Variants in PECAM1 observed in about 807,000 individuals in gnomAD.
The protein encoded by PECAM1 is platelet endothelial cell adhesion molecule.
A neutral mutation model predicts 13.8 loss-of-function variants in PECAM1; 8 were observed. The observed-to-expected ratio is 0.58, with a 90% CI of 0.34 to 1.05. The LOEUF (loss-of-function observed/expected upper bound fraction) is 1.05. Ranked by LOEUF, PECAM1 falls within the 50% of genes least tolerant of loss-of-function variation. PECAM1 has a pLI of 0.03. For synonymous variants in PECAM1, 136 were observed against 52.6 expected, an observed-to-expected ratio of 2.58 and a Z score of -6.86; for missense variants, 304 against 141.2, an observed-to-expected ratio of 2.15 and a Z score of -5.84.
rs958409293 is a variant in PECAM1 at position 64,363,067 on chromosome 17, C to G, written c.1216+82G>C. The G allele has an allele frequency of 1.7e-5, 8 of 472,010 alleles. No individual in the cohort carries two copies. The East Asian group carries it at 1.9e-4, about 11-fold the overall frequency. The allele number at this position is 472,010 out of a possible 1,614,324, so 29.2% of individuals were successfully genotyped here. A position where few individuals can be genotyped will look rare whatever the true frequency, so the allele number is the denominator to read the frequency against. On this transcript the variant is annotated intron_variant, in intron 6 of 15. Coordinates refer to ENST00000563924, the MANE Select transcript of PECAM1 (RefSeq NM_000442.5). ...TTACCCTGCCTGAGTCTGCTCAGAC[C>G]GGAGAGGGCGGCAGCTGCAGATAAA...
At chr17:64,383,823 A>T (rs2036534882) in intron 2 of PECAM1, among the ~76,000 whole-genome samples, 2 of 152,154 alleles carry the variant, frequency 1.3e-5, no homozygotes, top group African/African-American at 4.8e-5. Flanking sequence ...ACTCTAACAC[A>T]CATTATCTGC....
chr17:64,352,467 A>G lies in PECAM1; in HGVS notation c.1917-4T>C. 1 of 474,530 alleles carries G rather than the reference A, an allele frequency of 2.1e-6. No homozygotes were observed. The highest frequency in any genetic ancestry group is 6.8e-5 in the South Asian group (1 of 14,702). 29.4% of individuals were successfully genotyped at this position (474,530 alleles called of 1,614,324 possible). A position where few individuals can be genotyped will look rare whatever the true frequency, so the allele number is the denominator to read the frequency against. Reference sequence around the variant, plus strand: ...GTTCAGAAGTGGTACTGCTGGCCTTAAAATGAAATATAAAAACAGAAAACA... The same window carrying G: ...GTTCAGAAGTGGTACTGCTGGCCTTGAAATGAAATATAAAAACAGAAAACA... On this transcript the variant is annotated splice_region_variant and splice_polypyrimidine_tract_variant and intron_variant, in intron 10 of 15. Transcript: ENST00000563924.
Position 64,323,540 on chromosome 17 carries a change from G to T in PECAM1, c.*276C>A. ...CAGAATATCCCAATGGCCTTGCCCT[G>T]GATCTCCTCTTGTGCTCTTCCAATT... On this transcript the variant is annotated 3_prime_UTR_variant, in exon 16 of 16. Transcript: ENST00000563924. 7.2e-7 allele frequency: 1 copy of T among 1,397,340 alleles called. No homozygotes were observed. Among genetic ancestry groups the T allele is most frequent in the South Asian group, 1.5e-5 (1 of 65,120 alleles). 86.6% of individuals were successfully genotyped at this position (1,397,340 alleles called of 1,614,324 possible).
At chr17:64,353,628 ACTTTT>A (rs1191685927) in intron 9 of PECAM1, 110 bp from the exon 10 acceptor site, 8 of 412,318 alleles carry the variant, frequency 1.9e-5, no homozygotes, top group African/African-American at 4.1e-5. Context: ...GATAGAAAAC[ACTTTT>A]CTTTTCTTTT....
At chr17:64,350,104 C>T (rs891255762) in intron 12 of PECAM1, among the ~76,000 whole-genome samples, 1 of 152,116 alleles carries the variant, frequency 6.6e-6, no homozygotes, top group Admixed American at 6.6e-5. Context: ...GGTCCCACTG[C>T]CTTACCCAGT....
rs1313565498 is a variant in PECAM1 at position 64,329,784 on chromosome 17, C to T, written c.2165-62G>A. ...AAATAACCCAGTTCAACTGCCCCAACAACATCACAGGGTCAGGAGCAGGTC... is the reference window on the plus strand; with the variant it reads ...AAATAACCCAGTTCAACTGCCCCAATAACATCACAGGGTCAGGAGCAGGTC... On this transcript the variant is annotated intron_variant, in intron 14 of 15. Transcript: ENST00000563924. 5 of 740,884 alleles carry T rather than the reference C, an allele frequency of 6.7e-6. No individual in the cohort carries two copies. In the East Asian group the frequency reaches 1.3e-4, roughly 19 times the overall value. The allele number at this position is 740,884 out of a possible 1,614,324, so 45.9% of individuals were successfully genotyped here. A position where few individuals can be genotyped will look rare whatever the true frequency, so the allele number is the denominator to read the frequency against.
At chr17:64,373,184 T>C (rs1312217617) in intron 4 of PECAM1, among the ~76,000 whole-genome samples, 2 of 151,864 alleles carry the variant, frequency 1.3e-5, no homozygotes, top group African/African-American at 4.8e-5. Flanking sequence ...GATTCAACAA[T>C]TTGACTACTA....
intron 13 of PECAM1, among the ~76,000 whole-genome samples, chr17:64,345,460 C>T (rs118201660): frequency 0.011 from 1,658 of 152,220 alleles, 48 homozygotes; most frequent in African/African-American, 0.038. Context: ...CACCTGTAAT[C>T]CCGGCACTTT....
chr17:64,326,074 C>T (rs1292616350), intron 15 of PECAM1, among the ~76,000 whole-genome samples: 1 of 152,142 alleles, frequency 6.6e-6, no homozygotes, highest in Non-Finnish European at 1.5e-5. Flanking sequence ...ACTCTGGAGT[C>T]AGCCTAAAGA....
intron 2 of PECAM1, chr17:64,390,114 G>A (rs940889006): frequency 1.3e-5 from 3 of 224,916 alleles, no homozygotes; most frequent in Non-Finnish European, 2.6e-5. Flanking sequence ...TTTTAAAAAA[G>A]TAATGGCAAA....
rs1031158393 is a variant in PECAM1 at position 64,369,422 on chromosome 17, T to C, written c.967+328A>G. 1.4e-4 allele frequency among the ~76,000 whole-genome samples: 21 copies of C among 152,292 alleles called. 1 individual carries two copies. The highest frequency in any genetic ancestry group is 4.8e-4 in the African/African-American group (20 of 41,560). The stretch of plus-strand genomic sequence containing the variant: ...TCAGCTCATGCTTACAGTATAGTTA[T>C]CTCATTAATCATTATAGCAGTCCTA... On this transcript the variant is annotated intron_variant, in intron 5 of 15. Coordinates refer to ENST00000563924, the MANE Select transcript of PECAM1 (RefSeq NM_000442.5).
intron 10 of PECAM1, among the ~76,000 whole-genome samples, chr17:64,353,077 G>C (rs1392252635): frequency 6.6e-6 from 1 of 152,056 alleles, no homozygotes; most frequent in Non-Finnish European, 1.5e-5. Flanking sequence ...CTCTGGAACA[G>C]AGCAATCATT....
chr17:64,352,368 T>C, intron 11 of PECAM1, 22 bp downstream of exon 11: 1 of 474,792 alleles, frequency 2.1e-6, no homozygotes, highest in African/African-American at 2.0e-5. Context: ...AAATTAGAAA[T>C]GGCAGGAGAA....
At position 64,323,668 on chromosome 17, in the gene PECAM1, A is replaced by G; in HGVS notation, c.*148T>C. 4 of 1,507,204 alleles carry G rather than the reference A, an allele frequency of 2.7e-6. No homozygotes were observed. The highest frequency in any genetic ancestry group is 3.5e-6 in the Non-Finnish European group (4 of 1,126,914). The allele number at this position is 1,507,204 out of a possible 1,614,324, so 93.4% of individuals were successfully genotyped here. A position where few individuals can be genotyped will look rare whatever the true frequency, so the allele number is the denominator to read the frequency against. On this transcript the variant is annotated 3_prime_UTR_variant, in exon 16 of 16. Transcript: ENST00000563924. ...ATTAACTTAGCAGGATGGATTTAAG[A>G]ACCGGCAGCTTAGCCTGAGGAATTG... is the stretch of plus-strand genomic sequence containing the variant.
In PECAM1 at chr17:64,347,158, C is replaced by T. The variant is rs957440915; in HGVS notation, c.2107+1102G>A. On this transcript the variant is annotated intron_variant, in intron 13 of 15. Transcript: ENST00000563924. ...CAAAAGTGGGCAGATTGCTTGAGCC[C>T]GGGAATTTGAGACCAGCCAGGGCAA... Among the ~76,000 whole-genome samples, 172 of 152,148 alleles carry T rather than the reference C, an allele frequency of 1.1e-3. 1 individual carries two copies. Among genetic ancestry groups the T allele is most frequent in the Admixed American group, 0.011 (162 of 15,282 alleles).
intron 13 of PECAM1, among the ~76,000 whole-genome samples, chr17:64,347,610 A>T (rs1468298175): frequency 6.9e-6 from 1 of 145,382 alleles, no homozygotes; most frequent in African/African-American, 2.5e-5. Flanking sequence ...TATATATAAA[A>T]TATATAAAAA....
chr17:64,388,041 G>A (rs1227591286), intron 2 of PECAM1, among the ~76,000 whole-genome samples: 2 of 150,432 alleles, frequency 1.3e-5, no homozygotes, highest in Non-Finnish European at 3.0e-5. Context: ...TTCCTTGAGT[G>A]TAAAACAAGG....
chr17:64,334,772 G>T (rs1433992941), intron 14 of PECAM1, among the ~76,000 whole-genome samples: 1 of 152,018 alleles, frequency 6.6e-6, no homozygotes, highest in Non-Finnish European at 1.5e-5. Flanking sequence ...CTCCCAAATT[G>T]CTGGGATTAC....
At chr17:64,336,079 T>C (rs1356499504) in intron 14 of PECAM1, among the ~76,000 whole-genome samples, 1 of 151,370 alleles carries the variant, frequency 6.6e-6, no homozygotes, top group East Asian at 1.9e-4. Flanking sequence ...GCCTGACCAA[T>C]ATGGTGAAAC....
Sources: allele counts gnomAD v4.1 joint callset (sites outside exome capture counted in the v4.1 genomes callset), GRCh38; gene constraint gnomAD v4.1.1; transcripts MANE v1.5; gene names NCBI Gene and HGNC (gene_info 2026-07-23, HGNC 2026-07-21).